The following PHF20L1 variants were observed in gnomAD, a reference collection of about 807,000 sequenced individuals.
PHF20L1 encodes the protein PHD finger protein 20 like 1, also known as PHD finger protein 20-like protein 1.
Under a neutral mutation model 125.5 loss-of-function variants are expected in PHF20L1, and 44 were observed. The ratio of observed to expected loss-of-function variants is 0.35; its 90% CI spans 0.28 to 0.45. The LOEUF (loss-of-function observed/expected upper bound fraction) is 0.45, where lower values mean the gene tolerates loss of function less well. Among genes scored for constraint, PHF20L1 ranks in the 20% least tolerant of loss-of-function variants. The probability of loss-of-function intolerance (pLI) is 1.00; values close to 1 mark genes in which losing one functional copy is unlikely to be tolerated. For missense variants in PHF20L1, 1,012 were observed against 1,217.2 expected, an observed-to-expected ratio of 0.83 and a Z score of 2.51; for synonymous variants, 380 against 403.1, an observed-to-expected ratio of 0.94 and a Z score of 0.69.
intron 6 of PHF20L1, among the ~76,000 whole-genome samples, chr8:132,801,871 A>G (rs1563803354): frequency 6.6e-6 from 1 of 151,738 alleles, no homozygotes; most frequent in Non-Finnish European, 1.5e-5. Flanking sequence ...TTAAAAACAT[A>G]TTTAAATTTA....
At chr8:132,788,041 C>T (rs1173910797) in intron 2 of PHF20L1, among the ~76,000 whole-genome samples, 2 of 151,946 alleles carry the variant, frequency 1.3e-5, no homozygotes, top group Admixed American at 1.3e-4. Context: ...TCCTAGATCC[C>T]TAGGATTCTG....
chr8:132,798,947 A>T (rs1352610386), intron 5 of PHF20L1, 87 bp downstream of exon 5: 2 of 1,084,758 alleles, frequency 1.8e-6, no homozygotes, highest in Admixed American at 2.4e-5. Context: ...TATATTTTTT[A>T]AAAATGAACT....
Position 132,837,725 on chromosome 8 carries a change from T to C in PHF20L1, c.2105T>C (p.Leu702Ser). 3.7e-6 allele frequency: 6 copies of C among 1,612,546 alleles called. No homozygotes were observed. Among genetic ancestry groups the C allele is most frequent in the Non-Finnish European group, 5.1e-6 (6 of 1,178,980 alleles). ...TGTTTTCTGCAGTGTGAAGAGTGCT[T>C]GTGTTGGCAACACAGCGTGTGCATG... ...NGFMIQCEEC[L>S]CWQHSVCMGL... Residue 702 changes from leucine to serine, a missense_variant, in exon 17 of 21, where the codon TTG becomes TCG. By Grantham distance (145) the Leu-to-Ser change is moderately radical. Around this residue, in one of 7 missense-constraint regions of PHF20L1, gnomAD observed 55 missense variants for 114.8 expected, o/e 0.48. Coordinates refer to ENST00000395386, the MANE Select transcript of PHF20L1 (RefSeq NM_016018.5).
chr8:132,806,321 T>C (rs550891358), intron 8 of PHF20L1: 1 of 152,140 alleles, frequency 6.6e-6, no homozygotes, highest in Admixed American at 6.6e-5. Context: ...TATTTCTCTA[T>C]GGCCTTGAAA....
intron 2 of PHF20L1, among the ~76,000 whole-genome samples, chr8:132,791,347 G>A (rs1015502746): frequency 1.3e-5 from 2 of 150,124 alleles, no homozygotes; most frequent in Non-Finnish European, 3.0e-5. Context: ...TCTGCCTCCC[G>A]GGTTCAAGCG....
intron 2 of PHF20L1, among the ~76,000 whole-genome samples, chr8:132,787,592 T>C (rs1404815102): frequency 6.6e-6 from 1 of 152,138 alleles, no homozygotes; most frequent in Non-Finnish European, 1.5e-5. Context: ...AACATTGCAT[T>C]GTGGAATATT....
chr8:132,823,830 T>C (rs981451784), intron 12 of PHF20L1, among the ~76,000 whole-genome samples, 174 bp from the exon 13 acceptor site: 2 of 151,936 alleles, frequency 1.3e-5, no homozygotes, highest in Middle Eastern at 3.2e-3. Context: ...TTTTGGTTGT[T>C]TTTTAAGGTA....
At chr8:132,789,913 T>A (rs1408394919) in intron 2 of PHF20L1, among the ~76,000 whole-genome samples, 1 of 152,202 alleles carries the variant, frequency 6.6e-6, no homozygotes, top group Non-Finnish European at 1.5e-5. Context: ...CCTTGAGAGA[T>A]GTCAGCTATG....
chr8:132,788,600 CT>C (rs34065960), intron 2 of PHF20L1, among the ~76,000 whole-genome samples: 68,083 of 148,396 alleles, frequency 0.46, 15,502 homozygotes, highest in African/African-American at 0.52. Context: ...TCATGGTTGA[CT>C]TTTTTTTTTT....
intron 2 of PHF20L1, among the ~76,000 whole-genome samples, chr8:132,783,898 G>A (rs1563779022): frequency 6.6e-6 from 1 of 152,078 alleles, no homozygotes; most frequent in African/African-American, 2.4e-5. Flanking sequence ...CAATTCATTT[G>A]AAATCTGTAA....
intron 6 of PHF20L1, 188 bp from the exon 7 acceptor site, chr8:132,803,631 A>AC (rs1285580757): frequency 3.6e-6 from 2 of 549,442 alleles, no homozygotes; most frequent in African/African-American, 1.9e-5. Flanking sequence ...ATGCAATCTA[A>AC]CTCATTTGAT....
chr8:132,828,589 G>GT (rs1836447133), intron 14 of PHF20L1, among the ~76,000 whole-genome samples: 1 of 152,120 alleles, frequency 6.6e-6, no homozygotes, highest in African/African-American at 2.4e-5. Context: ...TAGATTAGTT[G>GT]TTTTTTATTA....
Position 132,799,154 on chromosome 8 carries a change from C to A in PHF20L1, c.489C>A (p.Asn163Lys), listed in dbSNP as rs1454820722. Reference sequence around the variant, plus strand: ...CTATCGACCCAGCTGGATCGTGTAACCAGTCTATGGGAAGTGAGGTAAGAG... The same window carrying A: ...CTATCGACCCAGCTGGATCGTGTAAACAGTCTATGGGAAGTGAGGTAAGAG... Reference protein sequence around the residue: ...CCPIDPAGSCNQSMGSEDWIA... With the variant: ...CCPIDPAGSCKQSMGSEDWIA... The change falls in exon 6 of 21, where the codon AAC becomes AAA. Residue 163 changes from asparagine to lysine, a missense_variant. Physicochemically the swap from Asn to Lys is moderately conservative, Grantham distance 94. Transcript: ENST00000395386. The A allele has an allele frequency of 6.2e-7, 1 of 1,608,212 alleles. No individual in the cohort carries two copies. The highest frequency in any genetic ancestry group is 1.1e-5 in the South Asian group (1 of 90,546).
intron 20 of PHF20L1, 137 bp from the exon 21 acceptor site, chr8:132,845,644 G>T (rs1327046920): frequency 1.6e-6 from 1 of 639,164 alleles, no homozygotes; most frequent in Non-Finnish European, 2.8e-6. Context: ...TCTCGGAAAT[G>T]TCTTGAGTAT....
intron 6 of PHF20L1, among the ~76,000 whole-genome samples, chr8:132,800,144 A>G (rs994331844): frequency 1.3e-5 from 2 of 151,148 alleles, no homozygotes; most frequent in African/African-American, 4.9e-5. Context: ...TTGTTTTTTC[A>G]AAGTGGGACA....
intron 6 of PHF20L1, among the ~76,000 whole-genome samples, chr8:132,802,929 G>A (rs546088179): frequency 1.4e-4 from 21 of 151,670 alleles, no homozygotes; most frequent in Non-Finnish European, 3.1e-4. Flanking sequence ...GAGCTTAGTG[G>A]TCTCAGCAGA....
Position 132,836,529 on chromosome 8 carries a change from A to T in PHF20L1, c.1910-11A>T. The stretch of plus-strand genomic sequence containing the variant: ...AAGTTGTTCTAAGTATACTTTTTGT[A>T]TATATTCTAGACTTATCAGATGTAG... On this transcript the variant is annotated splice_polypyrimidine_tract_variant and intron_variant, in intron 15 of 20. Transcript: ENST00000395386. The T allele has an allele frequency of 6.5e-7, 1 of 1,546,862 alleles. No individual in the cohort carries two copies. Among genetic ancestry groups the T allele is most frequent in the Non-Finnish European group, 8.8e-7 (1 of 1,133,530 alleles).
At chr8:132,827,422 T>C (rs999747296) in intron 14 of PHF20L1, among the ~76,000 whole-genome samples, 1 of 152,060 alleles carries the variant, frequency 6.6e-6, no homozygotes, top group African/African-American at 2.4e-5. Context: ...GCATTGTCAG[T>C]GCAGGAATGG....
chr8:132,814,981 CT>C, intron 10 of PHF20L1, 92 bp downstream of exon 10: 2 of 1,059,046 alleles, frequency 1.9e-6, no homozygotes, highest in East Asian at 2.6e-5. Context: ...TATGAAGTTG[CT>C]TTTTAAAAAC....
Sources: gnomAD v4.1 joint callset for allele counts (sites outside exome capture counted in the v4.1 genomes callset) on GRCh38, gnomAD v4.1.1 for gene constraint, gnomAD v4.1.1 regional missense constraint, MANE v1.5 for transcripts, NCBI Gene and HGNC (gene_info 2026-07-23, HGNC 2026-07-21) for gene names.